Variants in ROBO1 observed in about 807,000 individuals in gnomAD.
ROBO1 encodes roundabout homolog 1.
ROBO1 carries 149 observed loss-of-function variants against 195.9 expected under a neutral mutation model. The observed-to-expected ratio is 0.76, with a 90% CI of 0.67 to 0.87. ROBO1 has a LOEUF of 0.87. Ranked by LOEUF, ROBO1 falls within the 40% of genes least tolerant of loss-of-function variation. ROBO1 has a pLI of 0.00. For missense variants in ROBO1, 1,933 were observed against 2,068.3 expected, an observed-to-expected ratio of 0.93 and a Z score of 1.27; for synonymous variants, 816 against 733.2, an observed-to-expected ratio of 1.11 and a Z score of -1.82.
At chr3:78,962,512 T>TG (rs2041407976) in intron 3 of ROBO1, among the ~76,000 whole-genome samples, 2 of 113,200 alleles carry the variant, frequency 1.8e-5, no homozygotes, top group Non-Finnish European at 3.5e-5. Flanking sequence ...CAGAGAACAC[T>TG]CCTCCGCCTT....
chr3:79,213,764 T>G (rs1298937907), intron 2 of ROBO1, among the ~76,000 whole-genome samples: 1 of 151,954 alleles, frequency 6.6e-6, no homozygotes, highest in African/African-American at 2.4e-5. Context: ...TTGTAAGCTT[T>G]ATTTTTGCCC....
At chr3:79,673,917 T>C (rs1946707199) in intron 1 of ROBO1, among the ~76,000 whole-genome samples, 1 of 151,948 alleles carries the variant, frequency 6.6e-6, no homozygotes, top group African/African-American at 2.4e-5. Flanking sequence ...AAAACTCTCC[T>C]CATTTTAAAC....
intron 4 of ROBO1, among the ~76,000 whole-genome samples, chr3:78,816,387 C>T (rs1205469388): frequency 2.4e-4 from 26 of 109,740 alleles, no homozygotes; most frequent in Non-Finnish European, 2.5e-4. Flanking sequence ...TGGAGAAGTA[C>T]GAAAAGAGTA....
At chr3:79,638,722 G>C (rs930230273) in intron 1 of ROBO1, among the ~76,000 whole-genome samples, 3 of 152,192 alleles carry the variant, frequency 2.0e-5, no homozygotes, top group Non-Finnish European at 4.4e-5. Context: ...ATTAGAGCTT[G>C]ACTAATACTG....
At chr3:79,192,647 C>A (rs1424324284) in intron 2 of ROBO1, among the ~76,000 whole-genome samples, 3 of 151,530 alleles carry the variant, frequency 2.0e-5, no homozygotes, top group African/African-American at 7.3e-5. Flanking sequence ...TAAGACAAAT[C>A]TTCTCATGTT....
chr3:79,169,248 T>A (rs1036492523), intron 2 of ROBO1, among the ~76,000 whole-genome samples: 1 of 152,220 alleles, frequency 6.6e-6, no homozygotes, highest in African/African-American at 2.4e-5. Context: ...TATTATGTTA[T>A]AATCTACATT....
At chr3:79,054,106 G>A (rs374217341) in intron 3 of ROBO1, among the ~76,000 whole-genome samples, 13 of 152,146 alleles carry the variant, frequency 8.5e-5, no homozygotes, top group Middle Eastern at 3.4e-3. Context: ...GAGGAGGCCC[G>A]TTTGCAGGCT....
intron 2 of ROBO1, among the ~76,000 whole-genome samples, chr3:79,155,512 A>T (rs1340501141): frequency 1.3e-5 from 2 of 151,764 alleles, no homozygotes; most frequent in African/African-American, 4.8e-5. Context: ...TGGCAAAAGT[A>T]TACTTTTCTG....
intron 5 of ROBO1, among the ~76,000 whole-genome samples, chr3:78,724,743 G>A (rs2082124680): frequency 6.6e-6 from 1 of 152,016 alleles, no homozygotes; most frequent in South Asian, 2.1e-4. Context: ...AATACTGATT[G>A]TAAATTTAGG....
intron 2 of ROBO1, among the ~76,000 whole-genome samples, chr3:79,460,732 A>T (rs1937604265): frequency 6.6e-6 from 1 of 152,120 alleles, no homozygotes; most frequent in Admixed American, 6.5e-5. Context: ...ATGTTTAAGC[A>T]GTATTTTTTT....
chr3:79,706,345 A>T (rs1455014939), intron 1 of ROBO1, among the ~76,000 whole-genome samples: 9 of 151,996 alleles, frequency 5.9e-5, no homozygotes, highest in African/African-American at 1.4e-4. Flanking sequence ...ATTTAACTGA[A>T]TTTTTATCAC....
chr3:79,537,428 T>C (rs1052948423), intron 2 of ROBO1, among the ~76,000 whole-genome samples: 10 of 152,136 alleles, frequency 6.6e-5, no homozygotes, highest in Non-Finnish European at 1.2e-4. Context: ...AACTGAAATG[T>C]CCCACTATGG....
intron 8 of ROBO1, among the ~76,000 whole-genome samples, chr3:78,691,626 A>G (rs1007318368): frequency 2.0e-5 from 3 of 152,182 alleles, no homozygotes; most frequent in African/African-American, 7.2e-5. Context: ...CAGGGTCTGA[A>G]AATATGCAAA....
At chr3:79,510,626 T>C (rs538320501) in intron 2 of ROBO1, among the ~76,000 whole-genome samples, 1 of 151,478 alleles carries the variant, frequency 6.6e-6, no homozygotes, top group South Asian at 2.1e-4. Flanking sequence ...TCTCATAAAA[T>C]GTTGCAGTGA....
At chr3:79,322,699 C>T (rs1192582704) in intron 2 of ROBO1, among the ~76,000 whole-genome samples, 1 of 152,142 alleles carries the variant, frequency 6.6e-6, no homozygotes, top group African/African-American at 2.4e-5. Flanking sequence ...TGCCTATCAG[C>T]TTTTTCTGAG....
chr3:79,643,495 T>C (rs1164713196), intron 1 of ROBO1, among the ~76,000 whole-genome samples: 1 of 152,118 alleles, frequency 6.6e-6, no homozygotes, highest in African/African-American at 2.4e-5. Flanking sequence ...GAAACAATAA[T>C]TAAAAGATAG....
At chr3:78,901,698 T>A (rs910981690) in intron 4 of ROBO1, among the ~76,000 whole-genome samples, 1 of 152,194 alleles carries the variant, frequency 6.6e-6, no homozygotes, top group Non-Finnish European at 1.5e-5. Flanking sequence ...CTGACAGGCA[T>A]AAATTGGCTC....
chr3:79,619,194 A>G (rs1334743980), intron 1 of ROBO1, among the ~76,000 whole-genome samples: 2 of 151,996 alleles, frequency 1.3e-5, no homozygotes, highest in African/African-American at 4.8e-5. Context: ...ACATTCCCTT[A>G]GTGGCAAGTC....
At position 78,854,616 on chromosome 3, in the gene ROBO1, AAGCATGTATTAGTT is replaced by A. The variant is rs573383185; in HGVS notation, c.499+83971_499+83984del. ...TCTCTATTCTATGATTTTCTTGAAA[AAGCATGTATTAGTT>A]TTATAATTAGAAACAAGCAATAAAC... is the stretch of plus-strand genomic sequence containing the variant. On this transcript the variant is annotated intron_variant, in intron 4 of 30. Transcript: ENST00000464233. Among the ~76,000 whole-genome samples, 242 of 152,046 alleles carry A rather than the reference AAGCATGTATTAGTT, an allele frequency of 1.6e-3. 1 individual carries two copies. Among genetic ancestry groups the A allele is most frequent in the Middle Eastern group, 0.01 (3 of 294 alleles).
Sources: gnomAD v4.1 joint callset for allele counts (sites outside exome capture counted in the v4.1 genomes callset) on GRCh38, gnomAD v4.1.1 for gene constraint, MANE v1.5 for transcripts, NCBI Gene and HGNC (gene_info 2026-07-23, HGNC 2026-07-21) for gene names.